The following SLIT2 variants were observed in gnomAD, a reference collection of about 807,000 sequenced individuals.
SLIT2 encodes the protein slit guidance ligand 2.
In SLIT2, 41 loss-of-function variants were observed where a neutral mutation model predicts 185.7. That is an observed-to-expected ratio of 0.22 (90% CI 0.17 to 0.29). SLIT2 has a LOEUF of 0.29. Ranked by LOEUF, SLIT2 falls within the 10% of genes least tolerant of loss-of-function variation. The pLI, the probability that SLIT2 is intolerant of heterozygous loss-of-function variation, is 1.00. For synonymous variants in SLIT2, 693 were observed against 680.2 expected (o/e 1.02, Z -0.29); for missense variants, 1,571 against 1,909.0 (o/e 0.82, Z 3.30).
At chr4:20,273,147 T>C (rs59109013) in intron 4 of SLIT2, among the ~76,000 whole-genome samples, 2,216 of 152,152 alleles carry the variant, frequency 0.015, 58 homozygotes, top group African/African-American at 0.051. Context: ...ATATATATAA[T>C]TAAGCTGTCT....
chr4:20,423,012 A>C (rs1728279990), intron 4 of SLIT2, among the ~76,000 whole-genome samples: 1 of 151,920 alleles, frequency 6.6e-6, no homozygotes. Context: ...TTGTTCCTTA[A>C]GTTTTTTAAT....
chr4:20,354,011 C>T (rs1722099475), intron 4 of SLIT2, among the ~76,000 whole-genome samples: 1 of 152,084 alleles, frequency 6.6e-6, no homozygotes, highest in Admixed American at 6.6e-5. Context: ...ATAAAATCAT[C>T]CGTTATTCCA....
At chr4:20,276,155 C>A (rs1470269309) in intron 4 of SLIT2, among the ~76,000 whole-genome samples, 1 of 151,984 alleles carries the variant, frequency 6.6e-6, no homozygotes, top group Non-Finnish European at 1.5e-5. Context: ...GTAAAAATTG[C>A]AAATCTTTTA....
chr4:20,447,474 G>A (rs1202641409), intron 4 of SLIT2, among the ~76,000 whole-genome samples: 3 of 152,166 alleles, frequency 2.0e-5, no homozygotes, highest in Admixed American at 2.0e-4. Flanking sequence ...TCTGTTCAAG[G>A]TTACACTTAT....
rs1722405275 is a variant in SLIT2 at position 20,537,539 on chromosome 4, C to G, written c.1833-1902C>G. On this transcript the variant is annotated intron_variant, in intron 18 of 36. Transcript: ENST00000504154. Reference sequence around the variant, plus strand: ...TGTTTTGTTTTTCATTCACAGGACTCTCCCTGTGAAAAGTTATCTAAATTC... The same window carrying G: ...TGTTTTGTTTTTCATTCACAGGACTGTCCCTGTGAAAAGTTATCTAAATTC... Among the ~76,000 whole-genome samples the G allele has an allele frequency of 2.0e-5, 3 of 152,144 alleles. No individual in the cohort carries two copies. The South Asian group carries it at 6.2e-4, about 32-fold the overall frequency.
At chr4:20,606,296 C>T (rs1024210964) in intron 33 of SLIT2, among the ~76,000 whole-genome samples, 2 of 152,062 alleles carry the variant, frequency 1.3e-5, no homozygotes, top group Non-Finnish European at 2.9e-5. Context: ...GCCTGGGAAA[C>T]ATGGCAATAC....
chr4:20,323,259 T>C (rs1214710018), intron 4 of SLIT2, among the ~76,000 whole-genome samples: 1 of 152,202 alleles, frequency 6.6e-6, no homozygotes, highest in African/African-American at 2.4e-5. Context: ...TCTGATATCT[T>C]GCTTTCCAGG....
At chr4:20,465,709 A>G (rs1714263034) in intron 4 of SLIT2, among the ~76,000 whole-genome samples, 2 of 152,190 alleles carry the variant, frequency 1.3e-5, no homozygotes, top group Admixed American at 1.3e-4. Flanking sequence ...TTTAAAAGGA[A>G]CGGCATTCTG....
chr4:20,541,680 T>G, intron 20 of SLIT2, 61 bp downstream of exon 20: 1 of 1,388,560 alleles, frequency 7.2e-7, no homozygotes, highest in Non-Finnish European at 1.0e-6. Context: ...CTGATGCAGC[T>G]TTGCACAAAT....
chr4:20,567,421 A>G (rs1230550736), intron 27 of SLIT2, 35 bp downstream of exon 27: 9 of 1,612,672 alleles, frequency 5.6e-6, no homozygotes, highest in African/African-American at 1.3e-5. Flanking sequence ...ACAGTTTGAG[A>G]GCATAACTTT....
intron 26 of SLIT2, among the ~76,000 whole-genome samples, chr4:20,563,438 G>T (rs1724853710): frequency 6.6e-6 from 1 of 151,796 alleles, no homozygotes; most frequent in Admixed American, 6.6e-5. Flanking sequence ...AGCAATGAAA[G>T]AACAAAGAGA....
At chr4:20,318,745 G>C (rs935161817) in intron 4 of SLIT2, among the ~76,000 whole-genome samples, 11 of 152,134 alleles carry the variant, frequency 7.2e-5, no homozygotes, top group African/African-American at 2.7e-4. Flanking sequence ...GCTTTGCTCA[G>C]TAACTTGACA....
Position 20,486,280 on chromosome 4 carries a change from T to C in SLIT2, c.611+9T>C. 6.8e-7 allele frequency: 1 copy of C among 1,462,974 alleles called. No homozygotes were observed. 90.6% of individuals were successfully genotyped at this position (1,462,974 alleles called of 1,614,324 possible). A position where few individuals can be genotyped will look rare whatever the true frequency, so the allele number is the denominator to read the frequency against. On this transcript the variant is annotated intron_variant, in intron 7 of 36. Coordinates refer to ENST00000504154, the MANE Select transcript of SLIT2 (RefSeq NM_004787.4). ...CCTAAACTTAGGACTTTGTAAGTAGTCACAATATATGTAAAAGTCATATTA... is the reference window on the plus strand; with the variant it reads ...CCTAAACTTAGGACTTTGTAAGTAGCCACAATATATGTAAAAGTCATATTA...
chr4:20,540,456 A>G (rs1441431102), intron 19 of SLIT2, among the ~76,000 whole-genome samples: 3 of 152,142 alleles, frequency 2.0e-5, no homozygotes, highest in Non-Finnish European at 2.9e-5. Context: ...GCTTAAAAAT[A>G]AAGAGTATTT....
intron 4 of SLIT2, among the ~76,000 whole-genome samples, chr4:20,332,259 A>G (rs1720124957): frequency 6.6e-6 from 1 of 152,152 alleles, no homozygotes; most frequent in Non-Finnish European, 1.5e-5. Flanking sequence ...CAGAACTTTT[A>G]GTAAAATGTG....
intron 11 of SLIT2, among the ~76,000 whole-genome samples, chr4:20,512,243 G>T (rs774084311): frequency 6.6e-6 from 1 of 152,070 alleles, no homozygotes; most frequent in Non-Finnish European, 1.5e-5. Context: ...ATACACATGT[G>T]CGAGACCCAG....
intron 26 of SLIT2, among the ~76,000 whole-genome samples, chr4:20,556,048 A>G (rs1281754901): frequency 1.3e-5 from 2 of 152,092 alleles, no homozygotes; most frequent in Admixed American, 6.6e-5. Context: ...TTGAAACTAC[A>G]TAATTATTTA....
chr4:20,372,999 T>C (rs977888869), intron 4 of SLIT2, among the ~76,000 whole-genome samples: 3 of 152,130 alleles, frequency 2.0e-5, no homozygotes, highest in African/African-American at 2.4e-5. Flanking sequence ...TCTCATTACC[T>C]ACTCAGTTAT....
At chr4:20,334,381 A>G (rs1720320605) in intron 4 of SLIT2, among the ~76,000 whole-genome samples, 1 of 152,180 alleles carries the variant, frequency 6.6e-6, no homozygotes, top group African/African-American at 2.4e-5. Flanking sequence ...AGAAGATGAC[A>G]CAGCAAAGGA....
Sources: allele counts gnomAD v4.1 joint callset (sites outside exome capture counted in the v4.1 genomes callset), GRCh38; gene constraint gnomAD v4.1.1; transcripts MANE v1.5; gene names NCBI Gene and HGNC (gene_info 2026-07-23, HGNC 2026-07-21).